The following ERBB4 variants were observed in gnomAD, a reference collection of about 807,000 sequenced individuals.
ERBB4 encodes erb-b2 receptor tyrosine kinase 4, also known as receptor tyrosine-protein kinase erbB-4.
Under a neutral mutation model 158.0 loss-of-function variants are expected in ERBB4, and 42 were observed. The observed-to-expected ratio is 0.27, with a 90% CI of 0.21 to 0.34. ERBB4 has a LOEUF of 0.34. ERBB4 is among the 10% of genes least tolerant of loss of function. ERBB4 has a pLI of 1.00. For missense variants in ERBB4, 1,333 were observed against 1,624.1 expected, an observed-to-expected ratio of 0.82 and a Z score of 3.08; for synonymous variants, 583 against 558.7, an observed-to-expected ratio of 1.04 and a Z score of -0.61.
chr2:212,476,154 C>CACACACACAT (rs113547012), intron 1 of ERBB4, among the ~76,000 whole-genome samples: 3,603 of 77,778 alleles, frequency 0.046, 133 homozygotes, highest in African/African-American at 0.19. Context: ...CTCTCTCTGT[C>CACACACACAT]ACACACACAC....
intron 2 of ERBB4, among the ~76,000 whole-genome samples, chr2:211,964,823 T>G (rs2081269229): frequency 6.6e-6 from 1 of 152,168 alleles, no homozygotes; most frequent in Non-Finnish European, 1.5e-5. Context: ...TTTCTGCTAC[T>G]GTAATTGAAA....
intron 20 of ERBB4, among the ~76,000 whole-genome samples, chr2:211,445,474 A>C (rs977440843): frequency 6.6e-6 from 1 of 152,112 alleles, no homozygotes; most frequent in Admixed American, 6.6e-5. Flanking sequence ...TACCAGAAAA[A>C]GTGACCAAAA....
intron 2 of ERBB4, among the ~76,000 whole-genome samples, chr2:212,066,751 G>T (rs891180762): frequency 6.6e-5 from 10 of 151,814 alleles, no homozygotes; most frequent in Non-Finnish European, 1.5e-4. Flanking sequence ...AATCTAACGC[G>T]TTTCTAAAAG....
intron 20 of ERBB4, among the ~76,000 whole-genome samples, chr2:211,555,262 C>A (rs111992782): frequency 2.0e-5 from 3 of 151,986 alleles, no homozygotes; most frequent in Non-Finnish European, 2.9e-5. Context: ...CTCGGCTCAC[C>A]GCAACCTCTA....
intron 1 of ERBB4, among the ~76,000 whole-genome samples, chr2:212,241,978 GA>G (rs1274157486): frequency 3.7e-5 from 5 of 136,792 alleles, no homozygotes; most frequent in African/African-American, 7.2e-5. Context: ...TTTGATGAAT[GA>G]AAAAAAATTC....
At chr2:212,465,027 A>G (rs1574970757) in intron 1 of ERBB4, among the ~76,000 whole-genome samples, 1 of 152,080 alleles carries the variant, frequency 6.6e-6, no homozygotes. Flanking sequence ...TTCTGCCAAC[A>G]TCTACCTATG....
chr2:212,010,805 A>G (rs2125305072), intron 2 of ERBB4, among the ~76,000 whole-genome samples: 1 of 152,048 alleles, frequency 6.6e-6, no homozygotes, highest in African/African-American at 2.4e-5. Context: ...TAAGACAGAC[A>G]CTCCCAGAGG....
intron 2 of ERBB4, among the ~76,000 whole-genome samples, chr2:211,979,336 G>A (rs1005017148): frequency 1.3e-5 from 2 of 152,104 alleles, no homozygotes; most frequent in Admixed American, 6.6e-5. Flanking sequence ...TGAGCAAATT[G>A]CCTATAGCAA....
intron 20 of ERBB4, among the ~76,000 whole-genome samples, chr2:211,496,817 C>T (rs2065480600): frequency 6.6e-6 from 1 of 152,120 alleles, no homozygotes; most frequent in Admixed American, 6.5e-5. Flanking sequence ...GGTTATCCTC[C>T]AAACAATCAC....
chr2:211,960,177 A>T (rs182887282), intron 2 of ERBB4, among the ~76,000 whole-genome samples: 1 of 152,078 alleles, frequency 6.6e-6, no homozygotes, highest in Admixed American at 6.6e-5. Flanking sequence ...TATTCTAGGT[A>T]TGGGACAAGA....
chr2:212,212,561 AAAG>A (rs1205590719), intron 1 of ERBB4, among the ~76,000 whole-genome samples: 1 of 151,472 alleles, frequency 6.6e-6, no homozygotes, highest in Non-Finnish European at 1.5e-5. Context: ...TAAAAAAAAA[AAAG>A]GACTTTAAAT....
intron 4 of ERBB4, among the ~76,000 whole-genome samples, chr2:211,768,972 C>T (rs2075625142): frequency 6.6e-6 from 1 of 152,196 alleles, no homozygotes; most frequent in South Asian, 2.1e-4. Flanking sequence ...TTCTCTGCTT[C>T]CTTTTTAAAC....
intron 1 of ERBB4, among the ~76,000 whole-genome samples, chr2:212,433,247 G>T (rs2092069046): frequency 6.6e-6 from 1 of 151,884 alleles, no homozygotes; most frequent in South Asian, 2.1e-4. Flanking sequence ...TTTTACAATG[G>T]ATTTTGTTAT....
chr2:212,035,038 C>T (rs1000317899), intron 2 of ERBB4, among the ~76,000 whole-genome samples: 13 of 152,128 alleles, frequency 8.5e-5, no homozygotes, highest in African/African-American at 2.9e-4. Flanking sequence ...TAGATAGAGG[C>T]ACCATATACG....
At chr2:211,976,248 C>T (rs957698) in intron 2 of ERBB4, among the ~76,000 whole-genome samples, 22,201 of 151,990 alleles carry the variant, frequency 0.15, 1,651 homozygotes, top group Middle Eastern at 0.16. Flanking sequence ...ATTTCATCAC[C>T]CATTCTCTGG....
intron 1 of ERBB4, among the ~76,000 whole-genome samples, chr2:212,436,886 A>T (rs1462954654): frequency 6.6e-6 from 1 of 152,004 alleles, no homozygotes; most frequent in East Asian, 1.9e-4. Context: ...CACACCAGAG[A>T]CAAGAATAGG....
rs866141734 is a variant in ERBB4, at chr2:211,976,301, C to T, written c.235-28685G>A. 3.9e-5 allele frequency among the ~76,000 whole-genome samples: 6 copies of T among 152,272 alleles called. No homozygotes were observed. In the East Asian group the frequency reaches 9.7e-4, roughly 24 times the overall value. On this transcript the variant is annotated intron_variant, in intron 2 of 27. Transcript: ENST00000342788. ...CTGAGGCCAAATTTACTTAATTGTT[C>T]AGTGATAAAGACTGTGTTTAATCAC...
intron 19 of ERBB4, among the ~76,000 whole-genome samples, chr2:211,606,328 G>C (rs758411575): frequency 2.0e-5 from 3 of 151,990 alleles, no homozygotes; most frequent in Non-Finnish European, 4.4e-5. Context: ...GAAGTACATA[G>C]AGAGTTCCTG....
chr2:211,849,447 C>G (rs900945684), intron 3 of ERBB4, among the ~76,000 whole-genome samples: 1 of 151,510 alleles, frequency 6.6e-6, no homozygotes, highest in Non-Finnish European at 1.5e-5. Flanking sequence ...ACAGTAGTAC[C>G]CAATTATTAT....
Sources: allele counts gnomAD v4.1 joint callset (sites outside exome capture counted in the v4.1 genomes callset), GRCh38; gene constraint gnomAD v4.1.1; transcripts MANE v1.5; gene names NCBI Gene and HGNC (gene_info 2026-07-23, HGNC 2026-07-21).